Variants in PSMA3 observed in about 807,000 individuals in gnomAD.
PSMA3 encodes the protein proteasome 20S subunit alpha 3, also known as proteasome subunit alpha type-3.
In PSMA3, 8 loss-of-function variants were observed where a neutral mutation model predicts 40.0. That is an observed-to-expected ratio of 0.20 (90% confidence interval 0.12 to 0.36). The LOEUF (loss-of-function observed/expected upper bound fraction) is 0.36, where lower values mean the gene tolerates loss of function less well. PSMA3 is among the 10% of genes least tolerant of loss of function. PSMA3 has a pLI of 1.00. For missense variants in PSMA3, 219 were observed against 310.6 expected (o/e 0.70, Z 2.22); for synonymous variants, 110 against 100.0 (o/e 1.10, Z -0.59).
intron 5 of PSMA3, 37 bp from the exon 6 acceptor site, chr14:58,260,911 T>C (rs760157137): frequency 3.5e-6 from 5 of 1,421,360 alleles, no homozygotes; most frequent in Middle Eastern, 3.6e-4. Flanking sequence ...TTTTATGTTA[T>C]TGCCATGGTT....
intron 3 of PSMA3, among the ~76,000 whole-genome samples, chr14:58,254,449 T>G (rs2140084094): frequency 6.9e-6 from 1 of 145,336 alleles, no homozygotes; most frequent in East Asian, 2.0e-4. Flanking sequence ...GTGATTCTTC[T>G]GCCTCAGCCT....
At chr14:58,271,091 A>AC (rs1033343271) in intron 10 of PSMA3, 93 bp downstream of exon 10, 1 of 739,342 alleles carries the variant, frequency 1.4e-6, no homozygotes, top group Non-Finnish European at 2.1e-6. Context: ...GCACAGCAAG[A>AC]CCCCCATCCC....
chr14:58,266,057 T>C (rs1566644094), intron 7 of PSMA3: 1 of 152,368 alleles, frequency 6.6e-6, no homozygotes, highest in East Asian at 1.9e-4. Flanking sequence ...TTTTTAACTA[T>C]TTCAAACTAT....
At chr14:58,248,110 T>C (rs1438931726) in intron 2 of PSMA3, among the ~76,000 whole-genome samples, 1 of 152,228 alleles carries the variant, frequency 6.6e-6, no homozygotes, top group Non-Finnish European at 1.5e-5. Flanking sequence ...TCTTGATTTG[T>C]ATCATAGGCT....
intron 5 of PSMA3, among the ~76,000 whole-genome samples, chr14:58,258,764 A>G (rs1890205194): frequency 6.6e-6 from 1 of 152,196 alleles, no homozygotes; most frequent in Non-Finnish European, 1.5e-5. Context: ...ATGAAAAGAC[A>G]TGTTTGGCTT....
chr14:58,267,395 T>C lies in PSMA3; in HGVS notation c.544-79T>C, dbSNP rs566342095. On this transcript the variant is annotated intron_variant, in intron 7 of 10. Coordinates refer to ENST00000216455, the MANE Select transcript of PSMA3 (RefSeq NM_002788.4). ...AGGTTATTTTCCTTGGTTTTATATCTGAGTATAAAAGTGAAAATAGTTATT... is the reference window on the plus strand; with the variant it reads ...AGGTTATTTTCCTTGGTTTTATATCCGAGTATAAAAGTGAAAATAGTTATT... 76 of 1,353,546 alleles carry C rather than the reference T, an allele frequency of 5.6e-5. 2 individuals carry two copies. The South Asian group carries it at 8.1e-4, about 14-fold the overall frequency. The allele number at this position is 1,353,546 out of a possible 1,614,324, so 83.8% of individuals were successfully genotyped here. A position where few individuals can be genotyped will look rare whatever the true frequency, so the allele number is the denominator to read the frequency against.
chr14:58,245,070 C>A (rs1417721869), intron 1 of PSMA3, 129 bp downstream of exon 1: 2 of 1,235,164 alleles, frequency 1.6e-6, no homozygotes, highest in East Asian at 2.3e-5. Context: ...GGGCCATTTG[C>A]AGCTGTTTGG....
chr14:58,247,928 A>G (rs1370050011), intron 2 of PSMA3, 96 bp downstream of exon 2: 2 of 727,792 alleles, frequency 2.7e-6, no homozygotes, highest in East Asian at 2.8e-5. Flanking sequence ...AAATTAGTAT[A>G]TGTCCCCAAA....
At position 58,257,702 on chromosome 14, in the gene PSMA3, G is replaced by C. The variant is rs771254719; in HGVS notation, c.229-43G>C. 5 of 1,485,536 alleles carry C rather than the reference G, an allele frequency of 3.4e-6. 1 individual carries two copies. In the South Asian group the frequency reaches 4.6e-5, roughly 14 times the overall value. The allele number at this position is 1,485,536 out of a possible 1,614,324, so 92.0% of individuals were successfully genotyped here. A position where few individuals can be genotyped will look rare whatever the true frequency, so the allele number is the denominator to read the frequency against. The stretch of plus-strand genomic sequence containing the variant: ...TTATTAATTGCAGACTTTGATTTGT[G>C]ATAGGAATGTGTTCCTCTAGTAAAT... On this transcript the variant is annotated intron_variant, in intron 3 of 10. Transcript: ENST00000216455.
At chr14:58,248,798 A>G (rs1417923494) in intron 2 of PSMA3, among the ~76,000 whole-genome samples, 2 of 151,436 alleles carry the variant, frequency 1.3e-5, no homozygotes, top group African/African-American at 4.8e-5. Context: ...CTACTAAAAA[A>G]TAACAAAATA....
chr14:58,250,079 G>T (rs539021640), intron 2 of PSMA3, among the ~76,000 whole-genome samples: 3 of 151,608 alleles, frequency 2.0e-5, no homozygotes, highest in Non-Finnish European at 2.9e-5. Context: ...AATTAGCCGG[G>T]CATGGCAGTG....
intron 1 of PSMA3, among the ~76,000 whole-genome samples, chr14:58,247,219 ACT>A (rs1264609572): frequency 6.6e-6 from 1 of 151,906 alleles, no homozygotes; most frequent in South Asian, 2.1e-4. Flanking sequence ...TCATTGCTTT[ACT>A]CTTTTATTTT....
intron 2 of PSMA3, among the ~76,000 whole-genome samples, chr14:58,249,293 G>T (rs1330563775): frequency 6.6e-6 from 1 of 151,934 alleles, no homozygotes; most frequent in African/African-American, 2.4e-5. Flanking sequence ...GTATTAACCT[G>T]TCCTTTGATA....
intron 2 of PSMA3, among the ~76,000 whole-genome samples, chr14:58,251,431 G>T (rs903256302): frequency 6.6e-6 from 1 of 152,122 alleles, no homozygotes; most frequent in Non-Finnish European, 1.5e-5. Context: ...GACTACAGGC[G>T]TGTACCACCA....
chr14:58,264,241 T>G (rs1890368654), intron 7 of PSMA3, among the ~76,000 whole-genome samples: 1 of 152,198 alleles, frequency 6.6e-6, no homozygotes, highest in South Asian at 2.1e-4. Flanking sequence ...TGTTTAAAAT[T>G]TTGAGTTAAT....
intron 6 of PSMA3, 83 bp downstream of exon 6, chr14:58,261,103 G>T: frequency 1.7e-5 from 15 of 872,318 alleles, no homozygotes; most frequent in East Asian, 3.1e-5. Context: ...AAGATTATAT[G>T]AAATTAAAAA....
chr14:58,271,930 T>C lies in PSMA3; in HGVS notation c.*35T>C. 1 of 1,450,512 alleles carries C rather than the reference T, an allele frequency of 6.9e-7. No individual in the cohort carries two copies. Among genetic ancestry groups the C allele is most frequent in the Non-Finnish European group, 9.7e-7 (1 of 1,033,776 alleles). 89.9% of individuals were successfully genotyped at this position (1,450,512 alleles called of 1,614,324 possible). A position where few individuals can be genotyped will look rare whatever the true frequency, so the allele number is the denominator to read the frequency against. ...CAGCATCTATTGTATTTTAAATTTC[T>C]ACTCCAGTCCAATGTAACTATTTAG... On this transcript the variant is annotated 3_prime_UTR_variant, in exon 11 of 11. Transcript: ENST00000216455.
chr14:58,245,849 A>T (rs954326713), intron 1 of PSMA3, among the ~76,000 whole-genome samples: 1 of 152,222 alleles, frequency 6.6e-6, no homozygotes, highest in South Asian at 2.1e-4. Context: ...CGGTGTTCTA[A>T]ATTTGATAAT....
At chr14:58,261,490 T>C (rs1389724267) in intron 6 of PSMA3, among the ~76,000 whole-genome samples, 2 of 152,194 alleles carry the variant, frequency 1.3e-5, no homozygotes, top group Non-Finnish European at 2.9e-5. Flanking sequence ...TGTTTTCTTA[T>C]CATTAATAAC....
Sources: allele counts gnomAD v4.1 joint callset (sites outside exome capture counted in the v4.1 genomes callset), GRCh38; gene constraint gnomAD v4.1.1; transcripts MANE v1.5; gene names NCBI Gene and HGNC (gene_info 2026-07-23, HGNC 2026-07-21).